Variants in EIF4E observed in about 807,000 individuals in gnomAD.
EIF4E encodes the protein eIF-4F 25 kDa subunit.
For synonymous variants in EIF4E, 71 were observed against 88.5 expected, an observed-to-expected ratio of 0.80 and a Z score of 1.11; for missense variants, 113 against 265.6, an observed-to-expected ratio of 0.43 and a Z score of 3.99.
At chr4:98,894,659 T>C (rs187554195) in intron 2 of EIF4E, among the ~76,000 whole-genome samples, 14 of 152,346 alleles carry the variant, frequency 9.2e-5, no homozygotes, top group Non-Finnish European at 1.6e-4. Context: ...CTGGTTTTAT[T>C]TACTACCCAG....
At chr4:98,884,038 C>CAAAA (rs11438126) in intron 6 of EIF4E, among the ~76,000 whole-genome samples, 1 of 102,924 alleles carries the variant, frequency 9.7e-6, no homozygotes, top group African/African-American at 3.8e-5. Context: ...GACCCTGTCT[C>CAAAA]AAAAAAAAAA....
At chr4:98,895,076 C>G (rs10004975) in intron 2 of EIF4E, 85,326 of 152,054 alleles carry the variant, frequency 0.56, 26,403 homozygotes, top group African/African-American at 0.84. Flanking sequence ...CATCTTATAT[C>G]GCCAATGTTC....
chr4:98,918,008 G>A (rs556583232), intron 1 of EIF4E, among the ~76,000 whole-genome samples: 6 of 152,146 alleles, frequency 3.9e-5, no homozygotes, highest in South Asian at 4.1e-4. Flanking sequence ...CGTGGGAGGC[G>A]GAGGTTGCAG....
intron 3 of EIF4E, 57 bp downstream of exon 3, chr4:98,891,175 AAAAAT>A: frequency 5.1e-6 from 8 of 1,571,022 alleles, no homozygotes; most frequent in Non-Finnish European, 4.4e-6. Flanking sequence ...AATTCGACTT[AAAAAT>A]AAAAAAACTA....
chr4:98,895,082 T>C (rs1460526899), intron 2 of EIF4E: 1 of 152,350 alleles, frequency 6.6e-6, no homozygotes, highest in African/African-American at 2.4e-5. Context: ...ATATCGCCAA[T>C]GTTCATGGCA....
chr4:98,894,637 G>A (rs1230288556), intron 2 of EIF4E, among the ~76,000 whole-genome samples: 1 of 152,168 alleles, frequency 6.6e-6, no homozygotes, highest in Admixed American at 6.5e-5. Flanking sequence ...TTGTCATAAG[G>A]GAATGTTGTA....
At chr4:98,884,612 A>C (rs1410706221) in intron 6 of EIF4E, among the ~76,000 whole-genome samples, 2 of 152,104 alleles carry the variant, frequency 1.3e-5, no homozygotes, top group African/African-American at 4.8e-5. Context: ...GCTGAGACAT[A>C]ACAATCTCCT....
chr4:98,915,255 C>A (rs1725327515), intron 1 of EIF4E, among the ~76,000 whole-genome samples: 1 of 150,924 alleles, frequency 6.6e-6, no homozygotes, highest in African/African-American at 2.4e-5. Flanking sequence ...ACAAACCCGG[C>A]CGAAAATTAA....
intron 1 of EIF4E, among the ~76,000 whole-genome samples, chr4:98,925,495 T>C (rs1463292816): frequency 2.6e-5 from 4 of 152,210 alleles, no homozygotes; most frequent in Admixed American, 6.5e-5. Flanking sequence ...CCGTTTGCCC[T>C]AACGTTCAAA....
chr4:98,911,362 A>G (rs1725121824), intron 1 of EIF4E, among the ~76,000 whole-genome samples: 1 of 144,394 alleles, frequency 6.9e-6, no homozygotes, highest in African/African-American at 2.5e-5. Flanking sequence ...CTTAACTACT[A>G]GAAAGAGTTG....
intron 1 of EIF4E, among the ~76,000 whole-genome samples, chr4:98,923,810 A>T (rs1409336153): frequency 6.6e-6 from 1 of 152,240 alleles, no homozygotes; most frequent in Non-Finnish European, 1.5e-5. Context: ...AAATGCATGG[A>T]TATACATGAG....
chr4:98,887,808 TAA>T lies in EIF4E; in HGVS notation c.285+79_285+80del. On this transcript the variant is annotated intron_variant, in intron 4 of 6. Transcript: ENST00000450253. This position sits in a 1 kb window ranked among gnomAD's most constrained non-coding sequence, Gnocchi z 4.0. ...TATTCATCACACTATCAAATATTCCTAAGTTTATGGTAAGATTTCTTAATGAA... is the reference window on the plus strand; with the variant it reads ...TATTCATCACACTATCAAATATTCCTGTTTATGGTAAGATTTCTTAATGAA... The T allele has an allele frequency of 7.8e-7, 1 of 1,280,392 alleles. No individual in the cohort carries two copies. Among genetic ancestry groups the T allele is most frequent in the South Asian group, 1.2e-5 (1 of 80,068 alleles). 79.3% of individuals were successfully genotyped at this position (1,280,392 alleles called of 1,614,324 possible). A position where few individuals can be genotyped will look rare whatever the true frequency, so the allele number is the denominator to read the frequency against.
At position 98,887,753 on chromosome 4, in the gene EIF4E, A is replaced by G; in HGVS notation, c.285+136T>C. ...ATAGAATAAGATATATTGATACTAA[A>G]GCATACTACAGCCAATTAAATTATC... On this transcript the variant is annotated intron_variant, in intron 4 of 6. Coordinates refer to ENST00000450253, the MANE Select transcript of EIF4E (RefSeq NM_001968.5). The surrounding 1 kb of genome is among the most constrained non-coding windows in gnomAD (Gnocchi z 4.0). The G allele has an allele frequency of 1.3e-6, 1 of 744,638 alleles. No homozygotes were observed. The highest frequency in any genetic ancestry group is 2.8e-5 in the East Asian group (1 of 36,250). The allele number at this position is 744,638 out of a possible 1,614,324, so 46.1% of individuals were successfully genotyped here.
chr4:98,927,606 G>A (rs1003158945), intron 1 of EIF4E, among the ~76,000 whole-genome samples: 1 of 124,380 alleles, frequency 8.0e-6, no homozygotes, highest in South Asian at 2.8e-4. Context: ...AGTGAGCCGA[G>A]ATCACGCCAC....
chr4:98,925,074 ATT>A (rs1225991108), intron 1 of EIF4E, among the ~76,000 whole-genome samples: 1 of 152,198 alleles, frequency 6.6e-6, no homozygotes, highest in Non-Finnish European at 1.5e-5. Context: ...TACAACAAAT[ATT>A]TGTCAATATG....
At chr4:98,909,166 G>GA (rs932590442) in intron 1 of EIF4E, among the ~76,000 whole-genome samples, 6 of 152,046 alleles carry the variant, frequency 3.9e-5, no homozygotes, top group African/African-American at 1.4e-4. Context: ...CCACTACCAG[G>GA]AAAAAAAGCA....
chr4:98,908,451 C>T (rs982320756), intron 1 of EIF4E, among the ~76,000 whole-genome samples: 1 of 152,138 alleles, frequency 6.6e-6, no homozygotes, highest in East Asian at 1.9e-4. Flanking sequence ...ACTGGAAAAC[C>T]AGCTGTGTCC....
intron 2 of EIF4E, among the ~76,000 whole-genome samples, chr4:98,897,611 C>G (rs1724465391): frequency 6.6e-6 from 1 of 152,092 alleles, no homozygotes; most frequent in Admixed American, 6.6e-5. Context: ...ATAAACATTA[C>G]CAGTTTCATT....
intron 1 of EIF4E, chr4:98,928,793 C>T (rs1463931537): frequency 1.4e-6 from 2 of 1,442,268 alleles, no homozygotes; most frequent in East Asian, 2.5e-5. Flanking sequence ...ATACCCAGCC[C>T]AGAACCCCAG....
Sources: allele counts gnomAD v4.1 joint callset (sites outside exome capture counted in the v4.1 genomes callset), GRCh38; gene constraint gnomAD v4.1.1; non-coding constraint Gnocchi (gnomAD v3.1); transcripts MANE v1.5; gene names NCBI Gene and HGNC (gene_info 2026-07-23, HGNC 2026-07-21).